The following LPIN2 variants were observed in gnomAD, a reference collection of about 807,000 sequenced individuals.
LPIN2 encodes phosphatidate phosphatase LPIN2.
Under a neutral mutation model 111.4 loss-of-function variants are expected in LPIN2, and 55 were observed. The observed-to-expected ratio is 0.49, with a 90% CI of 0.40 to 0.62. The LOEUF is 0.62. Ranked by LOEUF, LPIN2 falls within the 20% of genes least tolerant of loss-of-function variation. The probability of loss-of-function intolerance (pLI) is 0.00; values close to 1 mark genes in which losing one functional copy is unlikely to be tolerated. For synonymous variants in LPIN2, 425 were observed against 414.0 expected, an observed-to-expected ratio of 1.03 and a Z score of -0.32; for missense variants, 992 against 1,112.1, an observed-to-expected ratio of 0.89 and a Z score of 1.54.
intron 1 of LPIN2, among the ~76,000 whole-genome samples, chr18:2,997,787 C>A (rs572805335): frequency 6.6e-6 from 1 of 152,312 alleles, no homozygotes; most frequent in East Asian, 1.9e-4. Flanking sequence ...ACCCCCCATG[C>A]CACAGACTTA....
intron 2 of LPIN2, 103 bp downstream of exon 2, chr18:2,960,546 T>A: frequency 1.8e-6 from 2 of 1,141,012 alleles, no homozygotes; most frequent in Non-Finnish European, 2.6e-6. Context: ...AAACTCACAA[T>A]AGCGATTTAT....
At chr18:2,958,158 C>CAAAAAAAAAAAAAAAAAAAAAATAAAAAA (rs1555678271) in intron 2 of LPIN2, among the ~76,000 whole-genome samples, 1 of 35,352 alleles carries the variant, frequency 2.8e-5, no homozygotes, top group Non-Finnish European at 5.2e-5. Context: ...AAAAAAAAAA[C>CAAAAAAAAAAAAAAAAAAAAAATAAAAAA]AACAAAAAAA....
intron 1 of LPIN2, among the ~76,000 whole-genome samples, chr18:2,982,177 G>A (rs1322512562): frequency 3.3e-5 from 5 of 152,104 alleles, no homozygotes; most frequent in Non-Finnish European, 4.4e-5. Context: ...TCTTGTTTAT[G>A]ATCACAGAAG....
chr18:3,006,644 T>C (rs1185235771), intron 1 of LPIN2, among the ~76,000 whole-genome samples: 2 of 152,144 alleles, frequency 1.3e-5, no homozygotes, highest in African/African-American at 4.8e-5. Flanking sequence ...GAGACCACCC[T>C]GGCTAACACG....
chr18:2,968,047 AGT>A (rs1296401135), intron 1 of LPIN2, among the ~76,000 whole-genome samples: 1 of 152,200 alleles, frequency 6.6e-6, no homozygotes, highest in Non-Finnish European at 1.5e-5. Flanking sequence ...CTAGACCTTC[AGT>A]GGAGAAAGAG....
At chr18:2,939,983 T>C (rs979368320) in intron 5 of LPIN2, among the ~76,000 whole-genome samples, 3 of 152,204 alleles carry the variant, frequency 2.0e-5, no homozygotes, top group Non-Finnish European at 4.4e-5. Context: ...TTTTTCACTA[T>C]ATTATTCATT....
intron 1 of LPIN2, among the ~76,000 whole-genome samples, chr18:2,988,541 AG>A (rs1232280948): frequency 6.6e-6 from 1 of 152,244 alleles, no homozygotes; most frequent in Non-Finnish European, 1.5e-5. Flanking sequence ...TTTATATGTA[AG>A]TTATATTCTA....
chr18:2,998,170 CT>C (rs2078374172), intron 1 of LPIN2, among the ~76,000 whole-genome samples: 1 of 152,202 alleles, frequency 6.6e-6, no homozygotes, highest in South Asian at 2.1e-4. Flanking sequence ...TGGGAGGACA[CT>C]TGGGTAAAGG....
chr18:3,000,130 G>GAGC (rs2143468480), intron 1 of LPIN2, among the ~76,000 whole-genome samples: 1 of 151,350 alleles, frequency 6.6e-6, no homozygotes, highest in East Asian at 1.9e-4. Context: ...GGAGGAGGAG[G>GAGC]AGGAGGAGGA....
chr18:3,007,830 G>A (rs374952477), intron 1 of LPIN2, among the ~76,000 whole-genome samples: 1 of 152,334 alleles, frequency 6.6e-6, no homozygotes, highest in South Asian at 2.1e-4. Flanking sequence ...CAAATGATCA[G>A]ATGACCTTAT....
chr18:3,004,542 C>A (rs2078482752), intron 1 of LPIN2, among the ~76,000 whole-genome samples: 1 of 152,152 alleles, frequency 6.6e-6, no homozygotes, highest in African/African-American at 2.4e-5. Context: ...ACTTAAGGAT[C>A]CTTCTACTCA....
intron 10 of LPIN2, 74 bp from the exon 11 acceptor site, chr18:2,928,734 G>A (rs2077172112): frequency 9.2e-7 from 1 of 1,086,286 alleles, no homozygotes; most frequent in Non-Finnish European, 1.4e-6. Context: ...GAATCAGGGA[G>A]GGAGGGAGGA....
At chr18:2,998,922 T>C (rs753950773) in intron 1 of LPIN2, among the ~76,000 whole-genome samples, 1 of 152,220 alleles carries the variant, frequency 6.6e-6, no homozygotes, top group Admixed American at 6.5e-5. Flanking sequence ...ACTCAGATAC[T>C]GTCATTAAAC....
Position 2,954,569 on chromosome 18 carries a change from C to T in LPIN2, c.223G>A (p.Asp75Asn), listed in dbSNP as rs750411797. 1.9e-6 allele frequency: 3 copies of T among 1,613,690 alleles called. No homozygotes were observed. Among genetic ancestry groups the T allele is most frequent in the Non-Finnish European group, 2.5e-6 (3 of 1,179,544 alleles). The stretch of plus-strand genomic sequence containing the variant: ...TTATCACCCAACTTCATGTGAAGAT[C>T]CACTGCACTGCCGTTGATTTCTATA... ...IDIEINGSAV[D>N]LHMKLGDNGE... The change falls in exon 3 of 20, where the codon GAT becomes AAT. Residue 75 changes from aspartate to asparagine, a missense_variant. Coordinates refer to ENST00000677752, the MANE Select transcript of LPIN2 (RefSeq NM_001375808.2).
chr18:2,971,496 C>T lies in LPIN2; in HGVS notation c.-9-10647G>A, dbSNP rs185233724. ...AGGCTACCTTCAAACTCTTGAGTTC[C>T]GGTAAGGAAGAGAAAAGTCCCGCAA... On this transcript the variant is annotated intron_variant, in intron 1 of 19. Transcript: ENST00000677752. Among the ~76,000 whole-genome samples the T allele has an allele frequency of 2.6e-5, 4 of 152,150 alleles. No homozygotes were observed. In the East Asian group the frequency reaches 5.8e-4, roughly 22 times the overall value.
rs2077120990 is a variant in LPIN2 at position 2,925,692 on chromosome 18, A to G, written c.1794-324T>C. 6.6e-6 allele frequency among the ~76,000 whole-genome samples: 1 copy of G among 152,198 alleles called. No homozygotes were observed. Among genetic ancestry groups the G allele is most frequent in the Non-Finnish European group, 1.5e-5 (1 of 68,042 alleles). On this transcript the variant is annotated intron_variant, in intron 13 of 19. Coordinates refer to ENST00000677752, the MANE Select transcript of LPIN2 (RefSeq NM_001375808.2). This position sits in a 1 kb window ranked among gnomAD's most constrained non-coding sequence, Gnocchi z 4.1. ...TTTCACAAGGCACAAATCAAAGAAAACATAATCGCTTACAATGATTTAACA... is the reference window on the plus strand; with the variant it reads ...TTTCACAAGGCACAAATCAAAGAAAGCATAATCGCTTACAATGATTTAACA...
At chr18:2,953,829 A>C (rs2077573091) in intron 3 of LPIN2, among the ~76,000 whole-genome samples, 1 of 152,170 alleles carries the variant, frequency 6.6e-6, no homozygotes, top group Non-Finnish European at 1.5e-5. Context: ...TGAGAATGTA[A>C]AATCTATTAT....
At chr18:2,999,841 G>A (rs1038148124) in intron 1 of LPIN2, among the ~76,000 whole-genome samples, 1 of 152,048 alleles carries the variant, frequency 6.6e-6, no homozygotes, top group African/African-American at 2.4e-5. Context: ...TTCTATAGAA[G>A]GGTTGGAGAA....
At chr18:2,922,288 C>CTT (rs1237234037) in intron 16 of LPIN2, 89 bp from the exon 17 acceptor site, 21 of 1,310,984 alleles carry the variant, frequency 1.6e-5, no homozygotes, top group Admixed American at 2.3e-5. Context: ...ACTTTTCTTT[C>CTT]TTTTTTTTTT....
Sources: allele counts gnomAD v4.1 joint callset (sites outside exome capture counted in the v4.1 genomes callset), GRCh38; gene constraint gnomAD v4.1.1; non-coding constraint Gnocchi (gnomAD v3.1); transcripts MANE v1.5; gene names NCBI Gene and HGNC (gene_info 2026-07-23, HGNC 2026-07-21).